The following ENOX1 variants were observed in gnomAD, a reference collection of about 807,000 sequenced individuals.
ENOX1 encodes candidate growth-related and time keeping constitutive hydroquinone (NADH) oxidase.
ENOX1 carries 42 observed loss-of-function variants against 82.5 expected under a neutral mutation model. That is an observed-to-expected ratio of 0.51 (90% CI 0.40 to 0.66). ENOX1 has a LOEUF of 0.66. Ranked by LOEUF, ENOX1 falls within the 30% of genes least tolerant of loss-of-function variation. The pLI is 0.00. For synonymous variants in ENOX1, 271 were observed against 282.2 expected (o/e 0.96, Z 0.40); for missense variants, 608 against 811.6 (o/e 0.75, Z 3.05).
At chr13:43,280,717 A>C (rs1348166642) in intron 12 of ENOX1, among the ~76,000 whole-genome samples, 1 of 152,226 alleles carries the variant, frequency 6.6e-6, no homozygotes, top group Non-Finnish European at 1.5e-5. Flanking sequence ...TAGTGAAGTT[A>C]ATCCAATGAT....
intron 2 of ENOX1, among the ~76,000 whole-genome samples, chr13:43,594,572 G>C (rs1185567835): frequency 6.6e-6 from 1 of 152,164 alleles, no homozygotes; most frequent in Admixed American, 6.5e-5. Flanking sequence ...TAGGTGGTTA[G>C]GATATATCAG....
intron 11 of ENOX1, among the ~76,000 whole-genome samples, chr13:43,307,165 CCT>C (rs2046915199): frequency 2.6e-5 from 4 of 152,194 alleles, no homozygotes; most frequent in Admixed American, 6.5e-5. Context: ...TGAGCCTCCT[CCT>C]CCCCACTGTT....
intron 5 of ENOX1, among the ~76,000 whole-genome samples, chr13:43,380,417 T>C (rs550474386): frequency 7.9e-5 from 12 of 151,674 alleles, no homozygotes; most frequent in African/African-American, 2.7e-4. Context: ...TTACAATATA[T>C]ATGAAGAGAT....
At chr13:43,698,609 T>G (rs929816629) in intron 1 of ENOX1, among the ~76,000 whole-genome samples, 4 of 152,178 alleles carry the variant, frequency 2.6e-5, no homozygotes, top group African/African-American at 4.8e-5. Context: ...AAATGAAGTT[T>G]TTTTTTACCT....
chr13:43,219,587 A>G (rs982819453), intron 16 of ENOX1, among the ~76,000 whole-genome samples: 2 of 152,246 alleles, frequency 1.3e-5, no homozygotes, highest in Non-Finnish European at 2.9e-5. Context: ...CTACAAATAC[A>G]AAAAAGAAAG....
Position 43,222,250 on chromosome 13 carries a change from C to T in ENOX1, c.1800+1803G>A, listed in dbSNP as rs191191788. Among the ~76,000 whole-genome samples the T allele has an allele frequency of 5.4e-3, 815 of 152,186 alleles. 25 individuals are homozygous for T. Among genetic ancestry groups the T allele is most frequent in the Admixed American group, 0.043 (650 of 15,270 alleles). On this transcript the variant is annotated intron_variant, in intron 16 of 16. Transcript: ENST00000690772. ...CTCTCCTCAGAGACTGGTAAGGGAA[C>T]GTCACAAATCTTACCTGAGCCCTGA...
chr13:43,404,539 T>C (rs935415326), intron 5 of ENOX1, among the ~76,000 whole-genome samples: 1 of 152,242 alleles, frequency 6.6e-6, no homozygotes, highest in Non-Finnish European at 1.5e-5. Context: ...GAACCTTTTC[T>C]GAAGCTTCTC....
chr13:43,688,138 T>C (rs1449852475), intron 1 of ENOX1, among the ~76,000 whole-genome samples: 4 of 152,028 alleles, frequency 2.6e-5, no homozygotes, highest in African/African-American at 9.7e-5. Flanking sequence ...GATCCGAGTT[T>C]TGGGAGAGAG....
intron 12 of ENOX1, among the ~76,000 whole-genome samples, chr13:43,283,491 G>C (rs2153493063): frequency 6.6e-6 from 1 of 152,152 alleles, no homozygotes; most frequent in South Asian, 2.1e-4. Context: ...TACCCAGGCT[G>C]GAGAATACAG....
intron 2 of ENOX1, among the ~76,000 whole-genome samples, chr13:43,603,837 G>T (rs147694554): frequency 5.0e-5 from 5 of 100,214 alleles, no homozygotes; most frequent in African/African-American, 1.5e-4. Flanking sequence ...GAATAATGCT[G>T]CAATAAACAT....
chr13:43,604,610 C>T (rs60791003), intron 2 of ENOX1, among the ~76,000 whole-genome samples: 4,961 of 152,180 alleles, frequency 0.033, 257 homozygotes, highest in African/African-American at 0.11. Flanking sequence ...TCTGTTCATA[C>T]GATGTGTCAC....
intron 2 of ENOX1, among the ~76,000 whole-genome samples, chr13:43,575,482 A>G (rs2080380960): frequency 6.6e-6 from 1 of 152,198 alleles, no homozygotes; most frequent in African/African-American, 2.4e-5. Context: ...GGGCAGAGGT[A>G]AGTGACACAG....
intron 2 of ENOX1, among the ~76,000 whole-genome samples, chr13:43,554,275 GC>G (rs2079338134): frequency 1.3e-5 from 2 of 152,122 alleles, no homozygotes; most frequent in South Asian, 4.1e-4. Context: ...AAAGACTATG[GC>G]AAAAATAGGG....
At chr13:43,771,220 G>C (rs748331406) in intron 1 of ENOX1, among the ~76,000 whole-genome samples, 24 of 152,186 alleles carry the variant, frequency 1.6e-4, no homozygotes, top group Non-Finnish European at 3.4e-4. Flanking sequence ...CAATGACACA[G>C]CTGCCTCCAG....
At chr13:43,479,947 T>A (rs28639659) in intron 3 of ENOX1, among the ~76,000 whole-genome samples, 4 of 151,926 alleles carry the variant, frequency 2.6e-5, no homozygotes, top group South Asian at 2.1e-4. Context: ...TTATTTTTTT[T>A]TTTTTGAGAC....
intron 1 of ENOX1, among the ~76,000 whole-genome samples, chr13:43,779,272 T>G (rs1952104344): frequency 6.6e-6 from 1 of 151,820 alleles, no homozygotes. Flanking sequence ...AAGTTATTTA[T>G]TTGGGGAGGG....
rs1398246518 is a variant in ENOX1 at position 43,506,408 on chromosome 13, C to T, written c.-218-22256G>A. Among the ~76,000 whole-genome samples the T allele has an allele frequency of 4.7e-5, 7 of 150,284 alleles. No individual in the cohort carries two copies. The East Asian group carries it at 1.2e-3, about 25-fold the overall frequency. On this transcript the variant is annotated intron_variant, in intron 2 of 16. Coordinates refer to ENST00000690772, the MANE Select transcript of ENOX1 (RefSeq NM_001347969.2). ...TAGTGGGACTGTAAACTAGTTCAAC[C>T]ATTGTGGAAGTCGGTGTGGCGATTC...
At position 43,439,227 on chromosome 13, in the gene ENOX1, A is replaced by AT. The variant is rs201543015; in HGVS notation, c.-74-26240dup. On this transcript the variant is annotated intron_variant, in intron 3 of 16. Transcript: ENST00000690772. ...GGTCACACCTGGCTAATTTTTTTGT[A>AT]TTTTTTTTTTCACTTTTTTTTTTGA... Among the ~76,000 whole-genome samples, 412 of 127,706 alleles carry AT rather than the reference A, an allele frequency of 3.2e-3. 4 individuals are homozygous for AT. The East Asian group carries it at 0.035, about 11-fold the overall frequency. The allele number at this position is 127,706 out of a possible 152,430, so 83.8% of individuals were successfully genotyped here.
At chr13:43,570,707 C>T (rs2080140010) in intron 2 of ENOX1, among the ~76,000 whole-genome samples, 1 of 152,006 alleles carries the variant, frequency 6.6e-6, no homozygotes, top group African/African-American at 2.4e-5. Flanking sequence ...TGCCTTTCAT[C>T]CAGACTCATT....
Sources: gnomAD v4.1 joint callset for allele counts (sites outside exome capture counted in the v4.1 genomes callset) on GRCh38, gnomAD v4.1.1 for gene constraint, MANE v1.5 for transcripts, NCBI Gene and HGNC (gene_info 2026-07-23, HGNC 2026-07-21) for gene names.